The following CXCR6 variants were observed in gnomAD, a reference collection of about 807,000 sequenced individuals.
CXCR6 encodes the protein C-X-C motif chemokine receptor 6, also known as C-X-C chemokine receptor type 6.
Under a neutral mutation model 1.6 loss-of-function variants are expected in CXCR6, and 3 were observed. The ratio of observed to expected loss-of-function variants is 1.83; its 90% CI spans 0.83 to 4.72. The LOEUF is 4.72. Among genes scored for constraint, CXCR6 ranks in the 30% most tolerant of loss-of-function variants. The pLI is 0.02. For synonymous variants in CXCR6, 171 were observed against 159.2 expected (o/e 1.07, Z -0.56); for missense variants, 326 against 414.8 (o/e 0.79, Z 1.86).
rs1341892157 is a variant in CXCR6, at chr3:45,947,730, A to G, written c.*220A>G. The G allele has an allele frequency of 7.2e-6, 4 of 553,384 alleles. No individual in the cohort carries two copies. The Admixed American group carries it at 1.0e-4, about 14-fold the overall frequency. 34.3% of individuals were successfully genotyped at this position (553,384 alleles called of 1,614,324 possible). Reference sequence around the variant, plus strand: ...CCAAGTAGGGGGTCTAAAATTTTTAAGGACTTTCCTTCCTCCATCTCCAAG... The same window carrying G: ...CCAAGTAGGGGGTCTAAAATTTTTAGGGACTTTCCTTCCTCCATCTCCAAG... On this transcript the variant is annotated 3_prime_UTR_variant, in exon 2 of 2. Transcript: ENST00000304552.
Position 45,947,448 on chromosome 3 carries a change from G to A in CXCR6, c.967G>A (p.Asp323Asn), listed in dbSNP as rs761406533. 1.2e-6 allele frequency: 2 copies of A among 1,614,184 alleles called. No homozygotes were observed. Among genetic ancestry groups the A allele is most frequent in the Non-Finnish European group, 1.7e-6 (2 of 1,180,022 alleles). Residue 323 changes from aspartate (D) to asparagine (N), a missense_variant, in exon 2 of 2, where the codon GAC becomes AAC. Coordinates refer to ENST00000304552, the MANE Select transcript of CXCR6 (RefSeq NM_006564.2). ...GVSHQWKSSEDNSKTFSASHN... is the reference protein window; with the variant it reads ...GVSHQWKSSENNSKTFSASHN... ...CTCACATCAATGGAAATCTTCTGAG[G>A]ACAATTCCAAGACTTTTTCTGCCTC... is the stretch of plus-strand genomic sequence containing the variant.
At position 45,947,591 on chromosome 3, in the gene CXCR6, T is replaced by C; in HGVS notation, c.*81T>C. 9.0e-7 allele frequency: 1 copy of C among 1,113,386 alleles called. No individual in the cohort carries two copies. The highest frequency in any genetic ancestry group is 1.3e-6 in the Non-Finnish European group (1 of 755,492). The allele number at this position is 1,113,386 out of a possible 1,614,324, so 69.0% of individuals were successfully genotyped here. The stretch of plus-strand genomic sequence containing the variant: ...TCTTGATGTGGTGAGGCAGGCTTTG[T>C]TTATAGCTTGCGCATTCTCATGGAG... On this transcript the variant is annotated 3_prime_UTR_variant, in exon 2 of 2. Coordinates refer to ENST00000304552, the MANE Select transcript of CXCR6 (RefSeq NM_006564.2).
Position 45,947,351 on chromosome 3 carries a change from T to A in CXCR6, c.870T>A (p.Phe290Leu), listed in dbSNP as rs563024842. Reference protein sequence around the residue: ...RACLNPVLYAFVSLKFRKNFW... With the variant: ...RACLNPVLYALVSLKFRKNFW... ...GCCTTAACCCTGTGCTCTATGCCTT[T>A]GTCAGCCTGAAGTTTCGAAAGAACT... is the stretch of plus-strand genomic sequence containing the variant. The change falls in exon 2 of 2, where the codon TTT (phenylalanine) becomes TTA (leucine). Residue 290 changes from phenylalanine (F) to leucine (L), a missense_variant. By Grantham distance (22) the Phe-to-Leu change is conservative. Transcript: ENST00000304552. 4.3e-6 allele frequency: 7 copies of A among 1,614,234 alleles called. No homozygotes were observed. The South Asian group carries it at 7.7e-5, about 18-fold the overall frequency.
rs561897998 is a variant in CXCR6, at chr3:45,947,537, T to C, written c.*27T>C. Reference sequence around the variant, plus strand: ...CCTTGCCAGGGTTTCGAGAAGCTGCTCTGGAATTTGCAAGTCATGGCTGTG... The same window carrying C: ...CCTTGCCAGGGTTTCGAGAAGCTGCCCTGGAATTTGCAAGTCATGGCTGTG... On this transcript the variant is annotated 3_prime_UTR_variant, in exon 2 of 2. Transcript: ENST00000304552. 1.3e-6 allele frequency: 2 copies of C among 1,589,062 alleles called. No individual in the cohort carries two copies. The highest frequency in any genetic ancestry group is 2.2e-5 in the East Asian group (1 of 44,682).
upstream of CXCR6, chr3:45,941,154 G>C (rs1260208821): frequency 6.6e-6 from 1 of 152,144 alleles, no homozygotes; most frequent in Non-Finnish European, 1.5e-5. Flanking sequence ...TGAGTACTGG[G>C]ACTATAAGTG....
In CXCR6 at chr3:45,947,512, C is replaced by A. The variant is rs774004453; in HGVS notation, c.*2C>A. On this transcript the variant is annotated 3_prime_UTR_variant, in exon 2 of 2. Coordinates refer to ENST00000304552, the MANE Select transcript of CXCR6 (RefSeq NM_006564.2). ...GCCACCAGCATGTTCCAGTTATAGG[C>A]CTTGCCAGGGTTTCGAGAAGCTGCT... 1.2e-6 allele frequency: 2 copies of A among 1,608,834 alleles called. No individual in the cohort carries two copies. Among genetic ancestry groups the A allele is most frequent in the Non-Finnish European group, 1.7e-6 (2 of 1,175,830 alleles).
chr3:45,943,910 T>C (rs1423922869), intron 1 of CXCR6, among the ~76,000 whole-genome samples: 1 of 152,180 alleles, frequency 6.6e-6, no homozygotes, highest in East Asian at 1.9e-4. Flanking sequence ...TTTTATCAGA[T>C]TATCATTTAT....
rs912273215 is a variant in CXCR6 at position 45,946,279 on chromosome 3, T to C, written c.-21-182T>C. 6 of 561,794 alleles carry C rather than the reference T, an allele frequency of 1.1e-5. No homozygotes were observed. In the Admixed American group the frequency reaches 1.8e-4, roughly 17 times the overall value. 34.8% of individuals were successfully genotyped at this position (561,794 alleles called of 1,614,324 possible). A position where few individuals can be genotyped will look rare whatever the true frequency, so the allele number is the denominator to read the frequency against. ...AGGCTAATGGAGAGTCCTCATCCTG[T>C]CTGAGCAATTTCCCCTCAGAATTGG... On this transcript the variant is annotated intron_variant, in intron 1 of 1. Transcript: ENST00000304552.
Position 45,947,423 on chromosome 3 carries a change from C to T in CXCR6, c.942C>T (p.Val314=). 1.2e-6 allele frequency: 2 copies of T among 1,614,168 alleles called. No individual in the cohort carries two copies. The highest frequency in any genetic ancestry group is 1.7e-6 in the Non-Finnish European group (2 of 1,180,006). Residue 314 remains valine (V), a synonymous_variant, in exon 2 of 2, where the codon GTC becomes GTT. Coordinates refer to ENST00000304552, the MANE Select transcript of CXCR6 (RefSeq NM_006564.2). ...KDIGCLPYLG[V]SHQWKSSEDN... ...TTGGTTGCCTCCCTTACCTTGGGGT[C>T]TCACATCAATGGAAATCTTCTGAGG...
rs1314387848 is a variant in CXCR6, at chr3:45,946,650, A to T, written c.169A>T (p.Ile57Phe). Residue 57 changes from isoleucine (I) to phenylalanine (F), a missense_variant, in exon 2 of 2, where the codon ATC (isoleucine) becomes TTC (phenylalanine). By Grantham distance (21) the Ile-to-Phe change is conservative. Coordinates refer to ENST00000304552, the MANE Select transcript of CXCR6 (RefSeq NM_006564.2). ...VGNSLVLVIS[I>F]FYHKLQSLTD... ...GAACTCTCTGGTGCTGGTCATATCC[A>T]TCTTCTACCATAAGTTGCAGAGCCT... is the stretch of plus-strand genomic sequence containing the variant. 1.2e-6 allele frequency: 2 copies of T among 1,614,154 alleles called. No individual in the cohort carries two copies. The highest frequency in any genetic ancestry group is 2.2e-5 in the South Asian group (2 of 91,076).
At chr3:45,942,901 G>A (rs548100124), upstream of CXCR6, among the ~76,000 whole-genome samples, 1 of 152,178 alleles carries the variant, frequency 6.6e-6, no homozygotes, top group African/African-American at 2.4e-5. Context: ...CCATCATCAT[G>A]CTGTTGATTG....
In CXCR6 at chr3:45,948,098, A is replaced by G. The variant is rs1379869668; in HGVS notation, c.*588A>G. ...GACTATGAATGGGCAAAACTGAATT[A>G]TAAGAGGCTGATAATTCCAGTGGTC... On this transcript the variant is annotated 3_prime_UTR_variant, in exon 2 of 2. Transcript: ENST00000304552. 1 of 167,534 alleles carries G rather than the reference A, an allele frequency of 6.0e-6. No individual in the cohort carries two copies. Among genetic ancestry groups the G allele is most frequent in the Non-Finnish European group, 1.5e-5 (1 of 68,444 alleles). The allele number at this position is 167,534 out of a possible 1,614,324, so 10.4% of individuals were successfully genotyped here. A position where few individuals can be genotyped will look rare whatever the true frequency, so the allele number is the denominator to read the frequency against.
intron 1 of CXCR6, chr3:45,944,950 G>C (rs3774634): frequency 0.38 from 57,416 of 152,014 alleles, 11,779 homozygotes; most frequent in East Asian, 0.66. Context: ...GAGAGCTTGT[G>C]GGGGGCAGGA....
chr3:45,947,835 A>T lies in CXCR6; in HGVS notation c.*325A>T. Reference sequence around the variant, plus strand: ...GATTGGGACTGGGGCTGAAGGTTGAAGAGGTGAGCACGGCCAACAAAGCTG... The same window carrying T: ...GATTGGGACTGGGGCTGAAGGTTGATGAGGTGAGCACGGCCAACAAAGCTG... On this transcript the variant is annotated 3_prime_UTR_variant, in exon 2 of 2. Transcript: ENST00000304552. 1 of 312,652 alleles carries T rather than the reference A, an allele frequency of 3.2e-6. No individual in the cohort carries two copies. Among genetic ancestry groups the T allele is most frequent in the South Asian group, 4.8e-5 (1 of 20,932 alleles). The allele number at this position is 312,652 out of a possible 1,614,324, so 19.4% of individuals were successfully genotyped here. A position where few individuals can be genotyped will look rare whatever the true frequency, so the allele number is the denominator to read the frequency against.
chr3:45,945,623 C>T (rs975199501), intron 1 of CXCR6: 5 of 152,146 alleles, frequency 3.3e-5, no homozygotes, highest in African/African-American at 1.2e-4. Flanking sequence ...GGCAAGGTTC[C>T]GCTTTGGGGA....
At chr3:45,943,949 T>C (rs546093153) in intron 1 of CXCR6, among the ~76,000 whole-genome samples, 1 of 152,236 alleles carries the variant, frequency 6.6e-6, no homozygotes, top group Non-Finnish European at 1.5e-5. Flanking sequence ...ATCAACATAC[T>C]ACTGTAGAAA....
At chr3:45,944,193 T>C (rs911442788) in intron 1 of CXCR6, among the ~76,000 whole-genome samples, 1 of 142,276 alleles carries the variant, frequency 7.0e-6, no homozygotes, top group Non-Finnish European at 1.5e-5. Flanking sequence ...TGTGCGTGTG[T>C]GTCTGTGTGT....
Position 45,946,918 on chromosome 3 carries a change from C to T in CXCR6, c.437C>T (p.Thr146Ile). 1 of 1,614,214 alleles carries T rather than the reference C, an allele frequency of 6.2e-7. No individual in the cohort carries two copies. Among genetic ancestry groups the T allele is most frequent in the Non-Finnish European group, 8.5e-7 (1 of 1,180,018 alleles). The change falls in exon 2 of 2, where the codon ACC becomes ATC. Residue 146 changes from threonine to isoleucine, a missense_variant. Thr to Ile is a moderately conservative substitution (Grantham distance 89). Transcript: ENST00000304552. The part of the protein sequence containing the change: ...KAYNQQAKRM[T>I]WGKVTSLLIW... ...TACAACCAGCAAGCCAAGAGGATGACCTGGGGCAAGGTCACCAGCTTGCTC... is the reference window on the plus strand; with the variant it reads ...TACAACCAGCAAGCCAAGAGGATGATCTGGGGCAAGGTCACCAGCTTGCTC...
Position 45,947,090 on chromosome 3 carries a change from A to G in CXCR6, c.609A>G (p.Pro203=). 6.2e-7 allele frequency: 1 copy of G among 1,614,208 alleles called. No homozygotes were observed. Among genetic ancestry groups the G allele is most frequent in the Non-Finnish European group, 8.5e-7 (1 of 1,180,036 alleles). Residue 203 remains proline, a synonymous_variant, in exon 2 of 2, where the codon CCA becomes CCG. Transcript: ENST00000304552. ...ATQMTLGFFL[P]LLTMIVCYSV... The stretch of plus-strand genomic sequence containing the variant: ...AGATGACACTGGGGTTCTTCTTGCC[A>G]CTGCTCACCATGATTGTCTGCTATT...
Sources: gnomAD v4.1 joint callset for allele counts (sites outside exome capture counted in the v4.1 genomes callset) on GRCh38, gnomAD v4.1.1 for gene constraint, MANE v1.5 for transcripts, NCBI Gene and HGNC (gene_info 2026-07-23, HGNC 2026-07-21) for gene names.